The following IL1RAPL1 variants were observed in gnomAD, a reference collection of about 807,000 sequenced individuals.
The protein encoded by IL1RAPL1 is interleukin-1 receptor accessory protein-like 1.
In IL1RAPL1, 3 loss-of-function variants were observed where a neutral mutation model predicts 48.4. That is an observed-to-expected ratio of 0.06 (90% CI 0.03 to 0.16). The LOEUF is 0.16. IL1RAPL1 is among the 10% of genes least tolerant of loss of function. The probability of loss-of-function intolerance (pLI) is 1.00; values close to 1 mark genes in which losing one functional copy is unlikely to be tolerated. For missense variants in IL1RAPL1, 349 were observed against 530.6 expected, an observed-to-expected ratio of 0.66 and a Z score of 3.36; for synonymous variants, 185 against 187.7, an observed-to-expected ratio of 0.99 and a Z score of 0.12.
At chrX:29,250,678 G>A (rs1050585099) in intron 2 of IL1RAPL1, among the ~76,000 whole-genome samples, 1 of 111,515 alleles carries the variant, frequency 9.0e-6, no homozygotes, top group African/African-American at 3.3e-5. Flanking sequence ...GGAAAAAGAA[G>A]GGTATTTAGA....
intron 8 of IL1RAPL1, among the ~76,000 whole-genome samples, chrX:29,923,086 C>G (rs1048956158): frequency 1.8e-5 from 2 of 111,923 alleles, no homozygotes; most frequent in African/African-American, 6.5e-5. Flanking sequence ...TCAGAGCCCT[C>G]CAATGGGTGG....
chrX:29,303,214 G>T (rs775696874), intron 3 of IL1RAPL1, among the ~76,000 whole-genome samples: 9 of 111,690 alleles, frequency 8.1e-5, no homozygotes, highest in Non-Finnish European at 1.5e-4. Context: ...ATCAGCTAAA[G>T]AACTAACAAG....
At chrX:29,479,912 C>T (rs1011115452) in intron 5 of IL1RAPL1, among the ~76,000 whole-genome samples, 6 of 111,182 alleles carry the variant, frequency 5.4e-5, no homozygotes, top group South Asian at 3.8e-4. Flanking sequence ...TTTATTCACT[C>T]GCTGGCCCAT....
At chrX:29,856,073 A>G (rs907171427) in intron 6 of IL1RAPL1, among the ~76,000 whole-genome samples, 10 of 112,209 alleles carry the variant, frequency 8.9e-5, no homozygotes, top group African/African-American at 2.9e-4. Context: ...CACCATTTCC[A>G]TACATAGTTT....
chrX:28,651,787 G>A (rs966035498), intron 1 of IL1RAPL1, among the ~76,000 whole-genome samples: 3 of 111,307 alleles, frequency 2.7e-5, no homozygotes, highest in African/African-American at 6.5e-5. Context: ...GTATTTTAAC[G>A]GGGCAGCATA....
chrX:29,250,255 A>G (rs1189052088), intron 2 of IL1RAPL1, among the ~76,000 whole-genome samples: 1 of 112,281 alleles, frequency 8.9e-6, no homozygotes, highest in East Asian at 2.8e-4. Flanking sequence ...AGAAAACTAC[A>G]ATTGAGAAAT....
intron 6 of IL1RAPL1, among the ~76,000 whole-genome samples, chrX:29,696,004 A>G (rs971046412): frequency 8.9e-6 from 1 of 112,061 alleles, no homozygotes; most frequent in Non-Finnish European, 1.9e-5. Flanking sequence ...TGGTCAGTTG[A>G]GTAGTTTATG....
At chrX:28,823,245 A>G (rs1424168823) in intron 2 of IL1RAPL1, among the ~76,000 whole-genome samples, 1 of 111,546 alleles carries the variant, frequency 9.0e-6, no homozygotes, top group Non-Finnish European at 1.9e-5. Flanking sequence ...AAAGGTGGTG[A>G]CAAAAATGTA....
At chrX:29,568,701 C>G (rs951582071) in intron 5 of IL1RAPL1, among the ~76,000 whole-genome samples, 11 of 111,009 alleles carry the variant, frequency 9.9e-5, no homozygotes, top group African/African-American at 3.3e-4. Context: ...GCATTTAAGA[C>G]TAGGCCTAAT....
At chrX:29,011,013 A>G (rs934626780) in intron 2 of IL1RAPL1, among the ~76,000 whole-genome samples, 1 of 111,826 alleles carries the variant, frequency 8.9e-6, no homozygotes, top group Non-Finnish European at 1.9e-5. Context: ...TACTTGTGAG[A>G]GGGAAGAAAA....
intron 1 of IL1RAPL1, among the ~76,000 whole-genome samples, chrX:28,640,119 A>G (rs1209736590): frequency 9.0e-6 from 1 of 111,677 alleles, no homozygotes; most frequent in Non-Finnish European, 1.9e-5. Flanking sequence ...AGTAAGGTAA[A>G]TTGTTTTAGT....
rs5943598 is a variant in IL1RAPL1, at chrX:29,114,114, A to G, written c.83-168824A>G. Reference sequence around the variant, plus strand: ...ATACTGTTCTGTGCTTAGTTTTGGTATCAAGATTATTCTAGCTTCATTTTG... The same window carrying G: ...ATACTGTTCTGTGCTTAGTTTTGGTGTCAAGATTATTCTAGCTTCATTTTG... On this transcript the variant is annotated intron_variant, in intron 2 of 10. Coordinates refer to ENST00000378993, the MANE Select transcript of IL1RAPL1 (RefSeq NM_014271.4). Among the ~76,000 whole-genome samples, 324 of 111,779 alleles carry G rather than the reference A, an allele frequency of 2.9e-3. 1 individual carries two copies. Among genetic ancestry groups the G allele is most frequent in the Non-Finnish European group, 4.9e-3 (258 of 53,132 alleles).
At chrX:28,866,899 T>A (rs1922090471) in intron 2 of IL1RAPL1, among the ~76,000 whole-genome samples, 1 of 111,878 alleles carries the variant, frequency 8.9e-6, no homozygotes, top group Non-Finnish European at 1.9e-5. Flanking sequence ...ATTTTTTACA[T>A]GTCTTCATAA....
At chrX:29,648,214 A>G (rs1182400998) in intron 5 of IL1RAPL1, among the ~76,000 whole-genome samples, 4 of 111,867 alleles carry the variant, frequency 3.6e-5, no homozygotes, top group Non-Finnish European at 7.5e-5. Flanking sequence ...GCATTCAACA[A>G]CCCACTTTCA....
At chrX:29,388,106 CAAAAA>C (rs71862742) in intron 3 of IL1RAPL1, among the ~76,000 whole-genome samples, 25 of 51,734 alleles carry the variant, frequency 4.8e-4, no homozygotes, top group South Asian at 4.0e-3. Context: ...AAGGTTAAGC[CAAAAA>C]AAAAAAAAAA....
intron 5 of IL1RAPL1, 112 bp from the exon 6 acceptor site, chrX:29,668,318 T>C: frequency 3.0e-6 from 2 of 673,878 alleles, no homozygotes; most frequent in Non-Finnish European, 4.7e-6. Context: ...GTAGAGCACT[T>C]TAACACTACT....
At chrX:29,423,084 C>G (rs1396886175) in intron 5 of IL1RAPL1, among the ~76,000 whole-genome samples, 1 of 111,693 alleles carries the variant, frequency 9.0e-6, no homozygotes, top group Non-Finnish European at 1.9e-5. Flanking sequence ...TACCTGGAGG[C>G]TTCATCTGCA....
intron 1 of IL1RAPL1, among the ~76,000 whole-genome samples, chrX:28,716,490 C>T (rs770829462): frequency 9.0e-6 from 1 of 111,680 alleles, no homozygotes; most frequent in South Asian, 3.8e-4. Flanking sequence ...AAGATTGAAA[C>T]TGGACCCCTT....
intron 1 of IL1RAPL1, among the ~76,000 whole-genome samples, chrX:28,599,640 G>T (rs1933998037): frequency 9.0e-6 from 1 of 111,396 alleles, no homozygotes; most frequent in Non-Finnish European, 1.9e-5. Flanking sequence ...GAGTGAATGA[G>T]AAATACTACT....
Sources: allele counts gnomAD v4.1 joint callset (sites outside exome capture counted in the v4.1 genomes callset), GRCh38; gene constraint gnomAD v4.1.1; transcripts MANE v1.5; gene names NCBI Gene and HGNC (gene_info 2026-07-23, HGNC 2026-07-21).